The following MAST2 variants were observed in gnomAD, a reference collection of about 807,000 sequenced individuals.
The protein encoded by MAST2 is microtubule associated serine/threonine kinase 2.
A neutral mutation model predicts 147.4 loss-of-function variants in MAST2; 70 were observed. The ratio of observed to expected loss-of-function variants is 0.47; its 90% confidence interval spans 0.39 to 0.58. MAST2 has a LOEUF of 0.58. MAST2 is among the 20% of genes least tolerant of loss of function. The pLI, the probability that MAST2 is intolerant of heterozygous loss-of-function variation, is 0.00. For missense variants in MAST2, 2,080 were observed against 2,302.3 expected (o/e 0.90, Z 1.98); for synonymous variants, 869 against 896.8 (o/e 0.97, Z 0.55).
intron 8 of MAST2, among the ~76,000 whole-genome samples, chr1:46,007,169 C>T (rs1255412464): frequency 6.6e-6 from 1 of 152,076 alleles, no homozygotes; most frequent in East Asian, 1.9e-4. Flanking sequence ...AATGACTGAG[C>T]TCAGTTTTGC....
chr1:45,970,311 T>G (rs2148984009), intron 5 of MAST2, among the ~76,000 whole-genome samples: 1 of 152,254 alleles, frequency 6.6e-6, no homozygotes, highest in East Asian at 1.9e-4. Flanking sequence ...CAGCAATTCC[T>G]CAGTTACAGT....
intron 4 of MAST2, among the ~76,000 whole-genome samples, chr1:45,933,317 C>T (rs1179007964): frequency 6.6e-6 from 1 of 151,812 alleles, no homozygotes; most frequent in Non-Finnish European, 1.5e-5. Flanking sequence ...GAAATGTATA[C>T]ATGTAACACA....
At chr1:45,854,996 C>T (rs932041137) in intron 3 of MAST2, among the ~76,000 whole-genome samples, 2 of 152,176 alleles carry the variant, frequency 1.3e-5, no homozygotes, top group Non-Finnish European at 2.9e-5. Context: ...TCACTATCCT[C>T]CAGGTACCTG....
intron 2 of MAST2, among the ~76,000 whole-genome samples, chr1:45,825,273 C>T (rs1644756664): frequency 1.3e-5 from 2 of 152,192 alleles, no homozygotes; most frequent in South Asian, 4.1e-4. Flanking sequence ...GATCCGCCTG[C>T]CTCAGCCTCC....
At chr1:45,895,935 T>C (rs1648660792) in intron 4 of MAST2, among the ~76,000 whole-genome samples, 1 of 152,274 alleles carries the variant, frequency 6.6e-6, no homozygotes, top group South Asian at 2.1e-4. Flanking sequence ...TCTTTGGCTT[T>C]ATTTTTACCA....
At chr1:45,940,621 A>ATTTTT (rs372778900) in intron 4 of MAST2, among the ~76,000 whole-genome samples, 1 of 141,084 alleles carries the variant, frequency 7.1e-6, no homozygotes, top group Admixed American at 7.0e-5. Flanking sequence ...AAGGTTGAGG[A>ATTTTT]TTTTTTTTTT....
intron 4 of MAST2, among the ~76,000 whole-genome samples, chr1:45,951,473 C>T (rs982269706): frequency 1.3e-5 from 2 of 150,532 alleles, no homozygotes; most frequent in African/African-American, 2.4e-5. Context: ...GCCCCAGCTA[C>T]CCTGGAGGCT....
chr1:45,960,190 T>G (rs1230336115), intron 5 of MAST2, among the ~76,000 whole-genome samples: 1 of 152,134 alleles, frequency 6.6e-6, no homozygotes, highest in Non-Finnish European at 1.5e-5. Context: ...AAGGACTGAT[T>G]TACATGGCTC....
chr1:45,970,798 G>GT (rs770669631), intron 5 of MAST2, among the ~76,000 whole-genome samples: 1,713 of 130,692 alleles, frequency 0.013, 47 homozygotes, highest in Middle Eastern at 0.042. Flanking sequence ...ACTAAGAAGT[G>GT]TTTTTTTTTT....
chr1:45,948,371 C>T (rs567252165), intron 4 of MAST2, among the ~76,000 whole-genome samples: 1 of 152,172 alleles, frequency 6.6e-6, no homozygotes, highest in East Asian at 1.9e-4. Context: ...TATCAAACTA[C>T]CAAGAGTATT....
intron 4 of MAST2, among the ~76,000 whole-genome samples, chr1:45,888,408 G>A (rs1481567703): frequency 1.3e-5 from 2 of 151,900 alleles, no homozygotes; most frequent in Non-Finnish European, 2.9e-5. Context: ...TGTGGTCCAA[G>A]CTGGAGTACA....
chr1:46,017,103 G>A (rs1402201503), intron 10 of MAST2, among the ~76,000 whole-genome samples: 3 of 152,172 alleles, frequency 2.0e-5, no homozygotes, highest in Non-Finnish European at 4.4e-5. Context: ...AAATGGTGCT[G>A]AGAAAACTGG....
At chr1:45,844,209 C>T (rs1187300104) in intron 3 of MAST2, among the ~76,000 whole-genome samples, 2 of 152,140 alleles carry the variant, frequency 1.3e-5, no homozygotes, top group African/African-American at 4.8e-5. Flanking sequence ...AAGTGATTCT[C>T]CTGCCTCAGC....
At chr1:45,843,291 CTG>C (rs1418543545) in intron 3 of MAST2, among the ~76,000 whole-genome samples, 3 of 152,002 alleles carry the variant, frequency 2.0e-5, no homozygotes, top group Admixed American at 1.3e-4. Flanking sequence ...TCTAACTTAT[CTG>C]TGTTTTTCTG....
chr1:45,905,862 T>TA (rs1192740334), intron 4 of MAST2, among the ~76,000 whole-genome samples: 4 of 152,198 alleles, frequency 2.6e-5, no homozygotes, highest in African/African-American at 9.6e-5. Flanking sequence ...TTTAAGTTTC[T>TA]AAAAAATTGC....
At position 46,032,286 on chromosome 1, in the gene MAST2, GC is replaced by G; in HGVS notation, c.3297del (p.Ser1100AlafsTer2). 1 of 1,614,204 alleles carries G rather than the reference GC, an allele frequency of 6.2e-7. No individual in the cohort carries two copies. Among genetic ancestry groups the G allele is most frequent in the Non-Finnish European group, 8.5e-7 (1 of 1,180,038 alleles). Reference protein sequence around the residue: ...SPSRDFLPALGSMRPPIIIHR... With the variant: ...SPSRDFLPALXSMRPPIIIHR... ...AGCAGGGACTTCTTGCCAGCCCTTGGCAGCATGAGGCCTCCCATCATCATCC... is the reference window on the plus strand; with the variant it reads ...AGCAGGGACTTCTTGCCAGCCCTTGGAGCATGAGGCCTCCCATCATCATCC... On this transcript the variant is annotated frameshift_variant, in exon 25 of 29. Coordinates refer to ENST00000361297, the MANE Select transcript of MAST2 (RefSeq NM_015112.3). LOFTEE classifies it high-confidence loss of function.
chr1:45,946,077 C>T (rs764838894), intron 4 of MAST2, among the ~76,000 whole-genome samples: 11 of 152,238 alleles, frequency 7.2e-5, no homozygotes, highest in Non-Finnish European at 1.0e-4. Context: ...CTCTCCCATT[C>T]ATTAATTCTC....
chr1:45,897,709 T>C (rs892539644), intron 4 of MAST2, among the ~76,000 whole-genome samples: 2 of 151,798 alleles, frequency 1.3e-5, no homozygotes, highest in Non-Finnish European at 2.9e-5. Flanking sequence ...CTCGAGAGGC[T>C]GAGGTGGGAG....
intron 1 of MAST2, among the ~76,000 whole-genome samples, chr1:45,815,002 A>G (rs1384996273): frequency 6.6e-6 from 1 of 152,218 alleles, no homozygotes; most frequent in Admixed American, 6.5e-5. Flanking sequence ...CAAGGGAACC[A>G]TGTGTTAAAA....
Sources: gnomAD v4.1 joint callset for allele counts (sites outside exome capture counted in the v4.1 genomes callset) on GRCh38, gnomAD v4.1.1 for gene constraint, MANE v1.5 for transcripts, NCBI Gene and HGNC (gene_info 2026-07-23, HGNC 2026-07-21) for gene names.